Variants in ANAPC5 observed in about 807,000 individuals in gnomAD.
The protein encoded by ANAPC5 is anaphase-promoting complex subunit 5.
A neutral mutation model predicts 91.3 loss-of-function variants in ANAPC5; 60 were observed. The observed-to-expected ratio is 0.66, with a 90% CI of 0.53 to 0.81. The LOEUF is 0.81. Ranked by LOEUF, ANAPC5 falls within the 40% of genes least tolerant of loss-of-function variation. The pLI, the probability that ANAPC5 is intolerant of heterozygous loss-of-function variation, is 0.00. For missense variants in ANAPC5, 690 were observed against 931.5 expected, an observed-to-expected ratio of 0.74 and a Z score of 3.37; for synonymous variants, 340 against 364.1, an observed-to-expected ratio of 0.93 and a Z score of 0.75.
chr12:121,343,004 TTAAATA>T lies in ANAPC5; in HGVS notation c.591-941_591-936del, dbSNP rs1555274255. On this transcript the variant is annotated intron_variant, in intron 4 of 16. Coordinates refer to ENST00000261819, the MANE Select transcript of ANAPC5 (RefSeq NM_016237.5). ...AAAGAATTATAATCATTAGTTAGATTTAAATATAAAGAATACATTTCTTCAATTTTC... is the reference window on the plus strand; with the variant it reads ...AAAGAATTATAATCATTAGTTAGATTTAAAGAATACATTTCTTCAATTTTC... Among the ~76,000 whole-genome samples the T allele has an allele frequency of 7.9e-5, 12 of 152,370 alleles. No individual in the cohort carries two copies. In the East Asian group the frequency reaches 1.5e-3, roughly 20 times the overall value.
At chr12:121,341,519 G>A (rs553702614) in intron 5 of ANAPC5, among the ~76,000 whole-genome samples, 14 of 152,266 alleles carry the variant, frequency 9.2e-5, no homozygotes, top group African/African-American at 2.4e-4. Context: ...AGTGTTTGGA[G>A]CAAAGTGTAT....
Position 121,320,479 on chromosome 12 carries a change from T to C in ANAPC5, c.1441-20A>G, listed in dbSNP as rs138182382. On this transcript the variant is annotated intron_variant, in intron 11 of 16. Transcript: ENST00000261819. ...ACAGCCCTAAAGTAGAAACACACAATTTGATCAGCATAACCTGTGTTGAAT... is the reference window on the plus strand; with the variant it reads ...ACAGCCCTAAAGTAGAAACACACAACTTGATCAGCATAACCTGTGTTGAAT... 3,009 of 1,611,324 alleles carry C rather than the reference T, an allele frequency of 1.9e-3. 35 individuals carry two copies. The African/African-American group carries it at 0.025, about 13-fold the overall frequency.
At chr12:121,312,128 G>C (rs1018066780) in intron 15 of ANAPC5, among the ~76,000 whole-genome samples, 67 of 152,196 alleles carry the variant, frequency 4.4e-4, no homozygotes, top group African/African-American at 1.5e-3. Context: ...AATCTCCTCT[G>C]ATCACATTAA....
chr12:121,337,521 G>A (rs1364437292), intron 5 of ANAPC5, 129 bp from the exon 6 acceptor site: 12 of 639,408 alleles, frequency 1.9e-5, no homozygotes, highest in African/African-American at 7.4e-5. Context: ...CCCTCATCTC[G>A]CCAGCCTTGG....
At chr12:121,319,030 AAT>A (rs1219011566) in intron 13 of ANAPC5, among the ~76,000 whole-genome samples, 41 of 152,050 alleles carry the variant, frequency 2.7e-4, no homozygotes, top group African/African-American at 8.7e-4. Context: ...AAAAAAAAAA[AAT>A]GTTTTTGTTG....
intron 5 of ANAPC5, among the ~76,000 whole-genome samples, chr12:121,340,316 C>CAAAAAAAAAAAAAAA (rs782297405): frequency 1.2e-5 from 1 of 86,398 alleles, no homozygotes; most frequent in Non-Finnish European, 2.5e-5. Flanking sequence ...AACTCCATCT[C>CAAAAAAAAAAAAAAA]AAAAAAAAAA....
rs781789951 is a variant in ANAPC5 at position 121,335,601 on chromosome 12, C to T, written c.882G>A (p.Glu294=). 6.2e-7 allele frequency: 1 copy of T among 1,614,020 alleles called. No individual in the cohort carries two copies. Among genetic ancestry groups the T allele is most frequent in the Non-Finnish European group, 8.5e-7 (1 of 1,179,876 alleles). ...CGTATCTCAAGCTCCGGCCATAGCC[C>T]TCTTCCCCATTACTTTTGCTTTCGG... ...TGAESKSNGE[E]GYGRSLRYAA... The change falls in exon 7 of 17, where the codon GAG becomes GAA. Residue 294 remains glutamate, a synonymous_variant. Coordinates refer to ENST00000261819, the MANE Select transcript of ANAPC5 (RefSeq NM_016237.5).
chr12:121,348,284 T>C (rs1464476019), intron 1 of ANAPC5, among the ~76,000 whole-genome samples: 2 of 152,212 alleles, frequency 1.3e-5, no homozygotes, highest in African/African-American at 2.4e-5. Flanking sequence ...ACTATACAAA[T>C]ACTATTTTTC....
intron 6 of ANAPC5, among the ~76,000 whole-genome samples, chr12:121,336,668 G>A (rs552718691): frequency 1.2e-4 from 18 of 152,258 alleles, no homozygotes; most frequent in East Asian, 5.8e-4. Context: ...CAACAAGAGC[G>A]AAACTCAGTC....
Position 121,326,992 on chromosome 12 carries a change from C to T in ANAPC5, c.1440+104G>A, listed in dbSNP as rs1902844008. 6.2e-5 allele frequency: 87 copies of T among 1,410,696 alleles called. 3 individuals carry two copies. The South Asian group carries it at 1.2e-3, about 20-fold the overall frequency. The allele number at this position is 1,410,696 out of a possible 1,614,324, so 87.4% of individuals were successfully genotyped here. ...TCACTCTTTCAGCCACAGTGTCGAG[C>T]AGAACTGTCCAACACGTGTCCAGTG... On this transcript the variant is annotated intron_variant, in intron 11 of 16. Transcript: ENST00000261819.
chr12:121,323,838 C>T (rs1011274547), intron 11 of ANAPC5, among the ~76,000 whole-genome samples: 7 of 152,038 alleles, frequency 4.6e-5, no homozygotes, highest in Admixed American at 3.3e-4. Flanking sequence ...TTTTCATGAC[C>T]GCCACAGGGA....
Position 121,352,354 on chromosome 12 carries a change from TAAGTCTCGGG to T in ANAPC5, c.-24_-15del, listed in dbSNP as rs782337376. The stretch of plus-strand genomic sequence containing the variant: ...GACGCTGGCCATGGCGGCCCGAGAC[TAAGTCTCGGG>T]CCCGCGGCGCGCTGCCGCCAGTTGT... On this transcript the variant is annotated 5_prime_UTR_variant, in exon 1 of 17. Coordinates refer to ENST00000261819, the MANE Select transcript of ANAPC5 (RefSeq NM_016237.5). 1.3e-6 allele frequency: 2 copies of T among 1,586,014 alleles called. No individual in the cohort carries two copies. The highest frequency in any genetic ancestry group is 1.1e-5 in the South Asian group (1 of 89,722).
chr12:121,352,243 T>C lies in ANAPC5; in HGVS notation c.98A>G (p.Tyr33Cys). The C allele has an allele frequency of 6.2e-7, 1 of 1,614,162 alleles. No homozygotes were observed. The highest frequency in any genetic ancestry group is 8.5e-7 in the Non-Finnish European group (1 of 1,180,010). ...VFGIKDWVTP[Y>C]KIAVLVLLNE... ...CAGCAGCACCAGCACCGCGATCTTG[T>C]ACGGCGTCACCCAGTCCTTGATGCC... The change falls in exon 1 of 17, where the codon TAC becomes TGC. Residue 33 changes from tyrosine to cysteine, a missense_variant. Tyr to Cys is a radical substitution (Grantham distance 194). Around this residue, in one of 5 missense-constraint regions of ANAPC5, gnomAD observed 238 missense variants for 264.9 expected, o/e 0.90. Transcript: ENST00000261819.
intron 9 of ANAPC5, among the ~76,000 whole-genome samples, chr12:121,329,831 T>A (rs1902968392): frequency 2.6e-5 from 4 of 151,882 alleles, no homozygotes; most frequent in African/African-American, 9.7e-5. Context: ...GCCAGGCTAG[T>A]CACGAACTCC....
intron 11 of ANAPC5, among the ~76,000 whole-genome samples, chr12:121,324,709 C>A (rs1902744204): frequency 6.6e-6 from 1 of 151,792 alleles, no homozygotes; most frequent in South Asian, 2.1e-4. Flanking sequence ...CTGGGCAACA[C>A]AACATAGAAA....
At position 121,342,348 on chromosome 12, in the gene ANAPC5, A is replaced by C. The variant is rs1371379849; in HGVS notation, c.591-279T>G. 6.6e-6 allele frequency among the ~76,000 whole-genome samples: 1 copy of C among 152,156 alleles called. No homozygotes were observed. The highest frequency in any genetic ancestry group is 1.5e-5 in the Non-Finnish European group (1 of 68,032). ...CAACCAATGATGCTGGGAAAACTGC[A>C]CATCCACATGCAAAAGCATGAAGGT... On this transcript the variant is annotated intron_variant, in intron 4 of 16. Transcript: ENST00000261819. The surrounding 1 kb of genome is among the most constrained non-coding windows in gnomAD (Gnocchi z 4.1).
At chr12:121,338,480 T>G (rs1903327339) in intron 5 of ANAPC5, among the ~76,000 whole-genome samples, 1 of 151,656 alleles carries the variant, frequency 6.6e-6, no homozygotes, top group Admixed American at 6.6e-5. Context: ...TCCTAGCTAC[T>G]CGGGAGGCTG....
chr12:121,333,459 T>A (rs1273029284), intron 7 of ANAPC5: 2 of 152,220 alleles, frequency 1.3e-5, no homozygotes, highest in African/African-American at 4.8e-5. Flanking sequence ...ATTTCTATTA[T>A]TTTTGAGTAC....
chr12:121,325,313 A>G (rs545969978), intron 11 of ANAPC5, among the ~76,000 whole-genome samples: 21 of 152,098 alleles, frequency 1.4e-4, no homozygotes, highest in African/African-American at 5.1e-4. Context: ...AAACATAAAA[A>G]TTAGCTGGGA....
Sources: allele counts gnomAD v4.1 joint callset (sites outside exome capture counted in the v4.1 genomes callset), GRCh38; gene constraint gnomAD v4.1.1; regional missense constraint gnomAD v4.1.1; non-coding constraint Gnocchi (gnomAD v3.1); transcripts MANE v1.5; gene names NCBI Gene and HGNC (gene_info 2026-07-23, HGNC 2026-07-21).